LIMS1: variants seen among roughly 807,000 people sequenced by gnomAD.
LIMS1 encodes LIM zinc finger domain containing 1.
LIMS1 carries 18 observed loss-of-function variants against 44.1 expected under a neutral mutation model. The ratio of observed to expected loss-of-function variants is 0.41; its 90% CI spans 0.28 to 0.61. The LOEUF (loss-of-function observed/expected upper bound fraction) is 0.61. Ranked by LOEUF, LIMS1 falls within the 20% of genes least tolerant of loss-of-function variation. The pLI is 0.32. For missense variants in LIMS1, 201 were observed against 422.0 expected (o/e 0.48, Z 4.59); for synonymous variants, 93 against 149.1 (o/e 0.62, Z 2.74).
chr2:108,553,371 T>C (rs549389625), intron 1 of LIMS1, among the ~76,000 whole-genome samples: 18 of 152,228 alleles, frequency 1.2e-4, no homozygotes, highest in African/African-American at 3.1e-4. Context: ...TTATATAAAC[T>C]TGGAGAGCCA....
chr2:108,671,732 G>C (rs1692173239), intron 3 of LIMS1, among the ~76,000 whole-genome samples: 1 of 152,178 alleles, frequency 6.6e-6, no homozygotes, highest in African/African-American at 2.4e-5. Flanking sequence ...TAACCAAAAG[G>C]CATTCAAGAG....
chr2:108,581,145 G>A (rs988721164), intron 1 of LIMS1, among the ~76,000 whole-genome samples: 2 of 152,298 alleles, frequency 1.3e-5, no homozygotes, highest in African/African-American at 4.8e-5. Flanking sequence ...TGAAGACCAG[G>A]CCTGTGAAAT....
intron 9 of LIMS1, chr2:108,681,457 A>G (rs1692988545): frequency 1.0e-6 from 1 of 975,140 alleles, no homozygotes; most frequent in Non-Finnish European, 1.2e-6. Context: ...AAAGGGAAGA[A>G]TTCTAATCTC....
At chr2:108,603,906 C>T (rs1453817229) in intron 1 of LIMS1, among the ~76,000 whole-genome samples, 1 of 151,872 alleles carries the variant, frequency 6.6e-6, no homozygotes. Context: ...CTTTCTAGTT[C>T]CTTAAGATGC....
At chr2:108,613,535 TTCTC>T (rs949579429) in intron 1 of LIMS1, among the ~76,000 whole-genome samples, 2 of 152,042 alleles carry the variant, frequency 1.3e-5, no homozygotes, top group African/African-American at 4.8e-5. Flanking sequence ...CTCCTTGCTG[TTCTC>T]TCTGTCACCA....
At chr2:108,624,292 A>G (rs1458184303) in intron 1 of LIMS1, among the ~76,000 whole-genome samples, 1 of 152,278 alleles carries the variant, frequency 6.6e-6, no homozygotes, top group Non-Finnish European at 1.5e-5. Flanking sequence ...GCATTCAAAC[A>G]TAGTTGTTTT....
chr2:108,598,172 G>C (rs893876426), intron 1 of LIMS1, among the ~76,000 whole-genome samples: 1 of 151,676 alleles, frequency 6.6e-6, no homozygotes, highest in Non-Finnish European at 1.5e-5. Context: ...ACTGCAGCGT[G>C]GGCTATTTCA....
At chr2:108,662,591 A>G in intron 2 of LIMS1, 2 of 1,076,360 alleles carry the variant, frequency 1.9e-6, no homozygotes, top group Non-Finnish European at 2.4e-6. Flanking sequence ...GTAAACCTGC[A>G]TCTGGAGAAT....
chr2:108,648,366 A>G (rs778273043), intron 1 of LIMS1, among the ~76,000 whole-genome samples: 1 of 152,098 alleles, frequency 6.6e-6, no homozygotes, highest in Non-Finnish European at 1.5e-5. Flanking sequence ...GGAAGAATCA[A>G]TTTTGGGCTA....
intron 1 of LIMS1, among the ~76,000 whole-genome samples, chr2:108,623,988 G>A (rs1688416248): frequency 6.6e-6 from 1 of 152,228 alleles, no homozygotes; most frequent in African/African-American, 2.4e-5. Context: ...CAGGTAAAAG[G>A]TGGCATGACA....
chr2:108,665,825 A>G (rs1362119356), intron 2 of LIMS1, among the ~76,000 whole-genome samples: 1 of 152,156 alleles, frequency 6.6e-6, no homozygotes, highest in Non-Finnish European at 1.5e-5. Context: ...CGCCCAGCCA[A>G]CAGCTTTCCT....
intron 1 of LIMS1, among the ~76,000 whole-genome samples, chr2:108,584,342 G>A (rs1686011961): frequency 6.6e-6 from 1 of 152,160 alleles, no homozygotes; most frequent in Non-Finnish European, 1.5e-5. Flanking sequence ...ATTTTAGCTG[G>A]TGTGCTTTTG....
intron 1 of LIMS1, among the ~76,000 whole-genome samples, chr2:108,588,897 A>G (rs1242843755): frequency 1.3e-5 from 2 of 152,198 alleles, no homozygotes; most frequent in African/African-American, 4.8e-5. Context: ...TGGAAGGGAA[A>G]CTATGCCTTT....
intron 1 of LIMS1, among the ~76,000 whole-genome samples, chr2:108,652,341 C>T (rs536828910): frequency 6.6e-6 from 1 of 152,402 alleles, no homozygotes; most frequent in East Asian, 1.9e-4. Flanking sequence ...GCATCCATGT[C>T]ATGGAATACT....
chr2:108,642,046 A>G, intron 1 of LIMS1, among the ~76,000 whole-genome samples: 1 of 152,168 alleles, frequency 6.6e-6, no homozygotes. Flanking sequence ...GGCCACCCCA[A>G]CAGTTCAAAT....
At chr2:108,575,634 A>T (rs1185853327) in intron 1 of LIMS1, among the ~76,000 whole-genome samples, 1 of 152,186 alleles carries the variant, frequency 6.6e-6, no homozygotes, top group African/African-American at 2.4e-5. Context: ...CTGGGTGAAC[A>T]CTGATGTTAG....
chr2:108,605,137 C>T (rs1687205010), intron 1 of LIMS1, among the ~76,000 whole-genome samples: 1 of 152,176 alleles, frequency 6.6e-6, no homozygotes, highest in African/African-American at 2.4e-5. Context: ...ATAGGGATTG[C>T]CTGGAATCAT....
At chr2:108,591,660 G>A (rs948149797) in intron 1 of LIMS1, among the ~76,000 whole-genome samples, 3 of 151,390 alleles carry the variant, frequency 2.0e-5, no homozygotes, top group African/African-American at 7.3e-5. Context: ...GAGTCTCACT[G>A]TGTTGCCCAG....
intron 1 of LIMS1, among the ~76,000 whole-genome samples, chr2:108,576,099 G>A (rs1238153614): frequency 6.6e-6 from 1 of 152,118 alleles, no homozygotes; most frequent in Admixed American, 6.6e-5. Flanking sequence ...TTTTAGTACT[G>A]TTCTTGATAA....
Sources: allele counts gnomAD v4.1 joint callset (sites outside exome capture counted in the v4.1 genomes callset), GRCh38; gene constraint gnomAD v4.1.1; transcripts MANE v1.5; gene names NCBI Gene and HGNC (gene_info 2026-07-23, HGNC 2026-07-21).